The following PIK3R6 variants were observed in gnomAD, a reference collection of about 807,000 sequenced individuals.
The protein encoded by PIK3R6 is phosphoinositide-3-kinase regulatory subunit 6.
PIK3R6 carries 91 observed loss-of-function variants against 84.9 expected under a neutral mutation model. The ratio of observed to expected loss-of-function variants is 1.07; its 90% CI spans 0.90 to 1.28. The LOEUF is 1.28. PIK3R6 is among the 50% of genes most tolerant of loss of function. The pLI is 0.00. For synonymous variants in PIK3R6, 416 were observed against 411.4 expected, an observed-to-expected ratio of 1.01 and a Z score of -0.13; for missense variants, 996 against 985.1, an observed-to-expected ratio of 1.01 and a Z score of -0.15.
At chr17:8,811,344 G>T (rs2087352635) in intron 18 of PIK3R6, among the ~76,000 whole-genome samples, 1 of 148,482 alleles carries the variant, frequency 6.7e-6, no homozygotes. Context: ...GATGGGAGAG[G>T]CTGCTGTGAA....
At chr17:8,858,310 C>CT (rs752142944) in intron 1 of PIK3R6, among the ~76,000 whole-genome samples, 2,065 of 95,394 alleles carry the variant, frequency 0.022, 29 homozygotes, top group East Asian at 0.083. Context: ...CTCAATTAAT[C>CT]TTTTTTTTTT....
In PIK3R6 at chr17:8,803,101, C is replaced by T. The variant is rs578230842; in HGVS notation, c.*172G>A. The T allele has an allele frequency of 2.7e-6, 2 of 752,092 alleles. No individual in the cohort carries two copies. Among genetic ancestry groups the T allele is most frequent in the East Asian group, 2.8e-5 (1 of 35,392 alleles). The allele number at this position is 752,092 out of a possible 1,614,324, so 46.6% of individuals were successfully genotyped here. On this transcript the variant is annotated 3_prime_UTR_variant, in exon 20 of 20. Coordinates refer to ENST00000619866, the MANE Select transcript of PIK3R6 (RefSeq NM_001010855.4). The surrounding 1 kb of genome is among the most constrained non-coding windows in gnomAD (Gnocchi z 5.0). ...CCATCCGTAGACCTCCATGTGGGCCCTTCCTCATCACAGTCCCCAGGGTAG... is the reference window on the plus strand; with the variant it reads ...CCATCCGTAGACCTCCATGTGGGCCTTTCCTCATCACAGTCCCCAGGGTAG...
chr17:8,809,648 AG>A (rs1388949986), intron 18 of PIK3R6, among the ~76,000 whole-genome samples: 3 of 152,166 alleles, frequency 2.0e-5, no homozygotes, highest in Non-Finnish European at 4.4e-5. Context: ...TTAAAAAATT[AG>A]CTGGGCATAG....
chr17:8,823,360 C>T (rs1451938202), intron 14 of PIK3R6, 27 bp downstream of exon 14: 1 of 1,514,142 alleles, frequency 6.6e-7, no homozygotes, highest in African/African-American at 1.4e-5. Flanking sequence ...TCCTGGGGTC[C>T]CTTGGAGCCT....
intron 12 of PIK3R6, among the ~76,000 whole-genome samples, chr17:8,827,763 G>GAGGAGAGA: frequency 2.9e-5 from 1 of 34,838 alleles, no homozygotes; most frequent in South Asian, 9.0e-4. Flanking sequence ...GAGAGAGAGA[G>GAGGAGAGA]GAGAGAGAGA....
At chr17:8,806,914 G>T (rs1051520667) in intron 18 of PIK3R6, among the ~76,000 whole-genome samples, 2 of 152,158 alleles carry the variant, frequency 1.3e-5, no homozygotes, top group African/African-American at 4.8e-5. Context: ...ACATGTATGT[G>T]GACCTGCCTG....
At position 8,855,797 on chromosome 17, in the gene PIK3R6, C is replaced by T. The variant is rs139956951; in HGVS notation, c.-91-5912G>A. Among the ~76,000 whole-genome samples the T allele has an allele frequency of 4.8e-3, 732 of 152,292 alleles. 9 individuals carry two copies. The highest frequency in any genetic ancestry group is 0.017 in the African/African-American group (699 of 41,552). On this transcript the variant is annotated intron_variant, in intron 1 of 19. Transcript: ENST00000619866. ...TTTGACAATTTCTCATAAAGTTATG[C>T]GTCACTTACTGTATGATCCCGTAAT...
chr17:8,808,923 G>A (rs929673358), intron 18 of PIK3R6, among the ~76,000 whole-genome samples: 2 of 152,182 alleles, frequency 1.3e-5, no homozygotes. Context: ...AGAGTACAGG[G>A]CTTCAGCTCT....
intron 1 of PIK3R6, among the ~76,000 whole-genome samples, chr17:8,865,309 A>G (rs2089381185): frequency 6.6e-6 from 1 of 152,076 alleles, no homozygotes; most frequent in Non-Finnish European, 1.5e-5. Context: ...AGACAGAAGA[A>G]CCCACCACCT....
intron 18 of PIK3R6, among the ~76,000 whole-genome samples, chr17:8,818,052 G>T (rs764292646): frequency 6.6e-6 from 1 of 152,194 alleles, no homozygotes; most frequent in Admixed American, 6.5e-5. Context: ...TGGAGGGGGA[G>T]GGGGAGGAAA....
At chr17:8,826,275 G>A (rs989145496) in intron 13 of PIK3R6, among the ~76,000 whole-genome samples, 17 of 152,178 alleles carry the variant, frequency 1.1e-4, no homozygotes, top group African/African-American at 4.1e-4. Context: ...GGAAACATCA[G>A]CTGTTACAAT....
intron 15 of PIK3R6, 134 bp from the exon 16 acceptor site, chr17:8,822,791 C>A (rs1029616539): frequency 1.9e-6 from 2 of 1,032,270 alleles, no homozygotes; most frequent in Non-Finnish European, 2.9e-6. Flanking sequence ...AAAGGTGACA[C>A]CTCCGGGGGC....
chr17:8,823,019 A>G lies in PIK3R6; in HGVS notation c.1694T>C (p.Ile565Thr). The change falls in exon 15 of 20, where the codon ATC becomes ACC. Residue 565 changes from isoleucine to threonine, a missense_variant. Ile to Thr is a moderately conservative substitution (Grantham distance 89). Coordinates refer to ENST00000619866, the MANE Select transcript of PIK3R6 (RefSeq NM_001010855.4). The stretch of plus-strand genomic sequence containing the variant: ...ACCTTTGGGGAATTTAGAATCTTGG[A>G]TCTTCACCTTCAGTTCAATGAGGAA... ...DIFLIELKVK[I>T]QDSKFPKDGF... The G allele has an allele frequency of 1.9e-6, 3 of 1,609,606 alleles. No homozygotes were observed. Among genetic ancestry groups the G allele is most frequent in the Non-Finnish European group, 2.6e-6 (3 of 1,176,002 alleles).
intron 9 of PIK3R6, among the ~76,000 whole-genome samples, chr17:8,831,758 G>A (rs976080731): frequency 6.6e-6 from 1 of 152,120 alleles, no homozygotes; most frequent in African/African-American, 2.4e-5. Context: ...ATCAGTGACT[G>A]TGCATATCTG....
Position 8,816,655 on chromosome 17 carries a change from G to C in PIK3R6, c.1995+2428C>G, listed in dbSNP as rs572308533. ...ATGAGAATACAAATAGGAAATGTAA[G>C]AATGAAGAAATAGAAATACAAGAAA... On this transcript the variant is annotated intron_variant, in intron 18 of 19. Transcript: ENST00000619866. Among the ~76,000 whole-genome samples the C allele has an allele frequency of 1.5e-3, 223 of 152,244 alleles. 2 individuals are homozygous for C. Among genetic ancestry groups the C allele is most frequent in the Non-Finnish European group, 1.4e-3 (95 of 68,000 alleles).
intron 3 of PIK3R6, 24 bp from the exon 4 acceptor site, chr17:8,838,679 C>T (rs367725221): frequency 9.6e-6 from 15 of 1,567,492 alleles, no homozygotes; most frequent in African/African-American, 1.4e-5. Flanking sequence ...AAGGGGAGCC[C>T]GGCATGAGCA....
At position 8,803,792 on chromosome 17, in the gene PIK3R6, T is replaced by G. The variant is rs141553270; in HGVS notation, c.2108+249A>C. On this transcript the variant is annotated intron_variant, in intron 19 of 19. Transcript: ENST00000619866. This position sits in a 1 kb window ranked among gnomAD's most constrained non-coding sequence, Gnocchi z 5.0. ...ATCAGGAGGCTGCAGGCTGAGTGTA[T>G]GCAGAGGCATCTGGGGAAAATGCAA... The G allele has an allele frequency of 7.1e-4, 413 of 583,238 alleles. No homozygotes were observed. The highest frequency in any genetic ancestry group is 7.0e-3 in the African/African-American group (375 of 53,692). The allele number at this position is 583,238 out of a possible 1,614,324, so 36.1% of individuals were successfully genotyped here.
In PIK3R6 at chr17:8,839,622, C is replaced by A; in HGVS notation, c.89G>T (p.Ser30Ile). The A allele has an allele frequency of 6.4e-7, 1 of 1,570,486 alleles. No homozygotes were observed. Reference sequence around the variant, plus strand: ...TGCCAGCTGGCTCTTACCTTGGTTGCTCTGCAGGGCAGGGGCCTGGGTGCT... The same window carrying A: ...TGCCAGCTGGCTCTTACCTTGGTTGATCTGCAGGGCAGGGGCCTGGGTGCT... Reference protein sequence around the residue: ...ELSTQAPALQSNQGMWRWSLH... With the variant: ...ELSTQAPALQINQGMWRWSLH... Residue 30 changes from serine (S) to isoleucine (I), a missense_variant, in exon 3 of 20, where the codon AGC becomes ATC. Coordinates refer to ENST00000619866, the MANE Select transcript of PIK3R6 (RefSeq NM_001010855.4). The surrounding 1 kb of genome is among the most constrained non-coding windows in gnomAD (Gnocchi z 4.2).
intron 18 of PIK3R6, among the ~76,000 whole-genome samples, chr17:8,817,371 T>C (rs2087573807): frequency 6.6e-6 from 1 of 152,230 alleles, no homozygotes; most frequent in African/African-American, 2.4e-5. Context: ...TGGCCAGGCA[T>C]GGTGGCTCAC....
Sources: gnomAD v4.1 joint callset for allele counts (sites outside exome capture counted in the v4.1 genomes callset) on GRCh38, gnomAD v4.1.1 for gene constraint, Gnocchi (gnomAD v3.1) non-coding constraint, MANE v1.5 for transcripts, NCBI Gene and HGNC (gene_info 2026-07-23, HGNC 2026-07-21) for gene names.